Variants in DGKI observed in about 807,000 individuals in gnomAD.
DGKI encodes diacylglycerol kinase iota, also known as DAG kinase iota.
Under a neutral mutation model 147.5 loss-of-function variants are expected in DGKI, and 55 were observed. The observed-to-expected ratio is 0.37, with a 90% confidence interval of 0.30 to 0.47. The LOEUF (loss-of-function observed/expected upper bound fraction) is 0.47. Ranked by LOEUF, DGKI falls within the 20% of genes least tolerant of loss-of-function variation. The pLI, the probability that DGKI is intolerant of heterozygous loss-of-function variation, is 1.00. For synonymous variants in DGKI, 469 were observed against 477.1 expected (o/e 0.98, Z 0.22); for missense variants, 1,007 against 1,323.8 (o/e 0.76, Z 3.71).
intron 23 of DGKI, among the ~76,000 whole-genome samples, chr7:137,477,346 A>G (rs892588722): frequency 2.0e-5 from 3 of 152,196 alleles, no homozygotes; most frequent in African/African-American, 7.2e-5. Flanking sequence ...TCACACAAAT[A>G]TAGCCAATCT....
chr7:137,809,156 A>G (rs1333194875), intron 1 of DGKI, among the ~76,000 whole-genome samples: 1 of 152,208 alleles, frequency 6.6e-6, no homozygotes, highest in Non-Finnish European at 1.5e-5. Flanking sequence ...TAGGCAGTGG[A>G]GGCAAGAGAG....
intron 30 of DGKI, among the ~76,000 whole-genome samples, chr7:137,403,934 G>T (rs779196129): frequency 1.1e-4 from 16 of 151,848 alleles, no homozygotes; most frequent in Non-Finnish European, 2.4e-4. Flanking sequence ...CAATGCCATA[G>T]TCTGGTATAC....
intron 21 of DGKI, among the ~76,000 whole-genome samples, chr7:137,506,158 T>C (rs1430304821): frequency 3.3e-5 from 5 of 152,216 alleles, no homozygotes; most frequent in Admixed American, 6.5e-5. Context: ...TGCACAGGGA[T>C]GTTTATAGCA....
chr7:137,721,876 C>T, intron 1 of DGKI: 1 of 676,762 alleles, frequency 1.5e-6, no homozygotes, highest in South Asian at 2.1e-5. Context: ...TTCCATTTGC[C>T]CAGAATGCTA....
At chr7:137,505,352 A>T (rs1729062531) in intron 21 of DGKI, among the ~76,000 whole-genome samples, 1 of 152,114 alleles carries the variant, frequency 6.6e-6, no homozygotes, top group African/African-American at 2.4e-5. Context: ...AGCAAGGCTC[A>T]CCAGATCAAT....
intron 19 of DGKI, 130 bp from the exon 20 acceptor site, chr7:137,552,698 C>A: frequency 1.2e-6 from 1 of 834,980 alleles, no homozygotes; most frequent in East Asian, 2.6e-5. Flanking sequence ...CACCGGTGGT[C>A]AGGAGTTCCA....
intron 6 of DGKI, among the ~76,000 whole-genome samples, chr7:137,633,615 T>C (rs1421942987): frequency 6.6e-6 from 1 of 152,034 alleles, no homozygotes; most frequent in Non-Finnish European, 1.5e-5. Flanking sequence ...ATTCACCAGC[T>C]GAGATCCCAT....
At chr7:137,452,002 A>G (rs1813986211) in intron 27 of DGKI, among the ~76,000 whole-genome samples, 1 of 152,198 alleles carries the variant, frequency 6.6e-6, no homozygotes, top group Non-Finnish European at 1.5e-5. Flanking sequence ...TCTTTCCTAA[A>G]GAACAGAGGA....
At chr7:137,699,382 T>C (rs900067187) in intron 1 of DGKI, among the ~76,000 whole-genome samples, 7 of 152,218 alleles carry the variant, frequency 4.6e-5, no homozygotes, top group African/African-American at 7.2e-5. Context: ...TAATGCTCAA[T>C]TGGAAGTTGT....
chr7:137,846,161 TCACA>T lies in DGKI; in HGVS notation c.401+297_401+300del, dbSNP rs58484819. Among the ~76,000 whole-genome samples, 1,724 of 107,982 alleles carry T rather than the reference TCACA, an allele frequency of 0.016. 15 individuals carry two copies. Among genetic ancestry groups the T allele is most frequent in the South Asian group, 0.02 (62 of 3,054 alleles). 70.8% of individuals were successfully genotyped at this position (107,982 alleles called of 152,430 possible). A position where few individuals can be genotyped will look rare whatever the true frequency, so the allele number is the denominator to read the frequency against. ...CTCTCTCTCTCTCTCTCTCTCTCTC[TCACA>T]CACACACACACACACACACACACAC... On this transcript the variant is annotated intron_variant, in intron 1 of 32. Transcript: ENST00000614521. This position sits in a 1 kb window ranked among gnomAD's most constrained non-coding sequence, Gnocchi z 4.0.
At chr7:137,585,170 C>T (rs1036443854) in intron 14 of DGKI, 39 bp downstream of exon 14, 2 of 1,611,862 alleles carry the variant, frequency 1.2e-6, no homozygotes, top group African/African-American at 1.3e-5. Context: ...CAGGCAGATG[C>T]TCCAGGGCTC....
chr7:137,752,927 C>A (rs1046244698), intron 1 of DGKI, among the ~76,000 whole-genome samples: 2 of 152,120 alleles, frequency 1.3e-5, no homozygotes, highest in African/African-American at 4.8e-5. Context: ...GTATTTTGCA[C>A]CTGTTTTGGT....
intron 1 of DGKI, among the ~76,000 whole-genome samples, chr7:137,817,247 A>T (rs548934634): frequency 3.0e-4 from 45 of 152,276 alleles, no homozygotes; most frequent in Non-Finnish European, 5.1e-4. Flanking sequence ...TTCGATTCAA[A>T]GTGTCATCAG....
At chr7:137,603,232 T>G (rs1820055126) in intron 10 of DGKI, among the ~76,000 whole-genome samples, 2 of 152,182 alleles carry the variant, frequency 1.3e-5, no homozygotes, top group South Asian at 4.1e-4. Flanking sequence ...TGACAATTGT[T>G]GGGGGTGTGG....
At chr7:137,517,279 A>AAAGAAAG (rs1816788846) in intron 21 of DGKI, among the ~76,000 whole-genome samples, 6 of 79,744 alleles carry the variant, frequency 7.5e-5, no homozygotes, top group East Asian at 7.3e-4. Flanking sequence ...AAAGAAAAGA[A>AAAGAAAG]AAAGAAAGAA....
At chr7:137,636,452 A>C (rs1821315774) in intron 6 of DGKI, among the ~76,000 whole-genome samples, 1 of 152,218 alleles carries the variant, frequency 6.6e-6, no homozygotes, top group African/African-American at 2.4e-5. Context: ...GTACGATACA[A>C]AACAAGGTAC....
intron 21 of DGKI, among the ~76,000 whole-genome samples, chr7:137,509,313 G>C (rs553036233): frequency 2.0e-5 from 3 of 152,292 alleles, no homozygotes; most frequent in East Asian, 3.9e-4. Context: ...AGTGACTGGA[G>C]GATGAGTGAG....
intron 17 of DGKI, among the ~76,000 whole-genome samples, chr7:137,574,910 C>T (rs1389833237): frequency 6.6e-6 from 1 of 152,210 alleles, no homozygotes; most frequent in African/African-American, 2.4e-5. Flanking sequence ...ATTAGAAACA[C>T]TGACTTCACC....
At chr7:137,813,982 T>C (rs182183694) in intron 1 of DGKI, among the ~76,000 whole-genome samples, 27 of 152,294 alleles carry the variant, frequency 1.8e-4, no homozygotes, top group Admixed American at 1.6e-3. Flanking sequence ...TGAGGCAAAA[T>C]GGATTTTTGC....
Sources: gnomAD v4.1 joint callset for allele counts (sites outside exome capture counted in the v4.1 genomes callset) on GRCh38, gnomAD v4.1.1 for gene constraint, Gnocchi (gnomAD v3.1) non-coding constraint, MANE v1.5 for transcripts, NCBI Gene and HGNC (gene_info 2026-07-23, HGNC 2026-07-21) for gene names.